NAALADL2: variants seen among roughly 807,000 people sequenced by gnomAD.
NAALADL2 encodes the protein N-acetylated alpha-linked acidic dipeptidase like 2.
NAALADL2 carries 76 observed loss-of-function variants against 87.2 expected under a neutral mutation model. The observed-to-expected ratio is 0.87, with a 90% CI of 0.72 to 1.05. The LOEUF (loss-of-function observed/expected upper bound fraction) is 1.05, where lower values mean the gene tolerates loss of function less well. Among genes scored for constraint, NAALADL2 ranks in the 50% least tolerant of loss-of-function variants. NAALADL2 has a pLI of 0.00. For synonymous variants in NAALADL2, 354 were observed against 331.0 expected, an observed-to-expected ratio of 1.07 and a Z score of -0.75; for missense variants, 1,089 against 945.8, an observed-to-expected ratio of 1.15 and a Z score of -1.99.
chr3:174,809,091 G>A (rs1247175517), intron 3 of NAALADL2, among the ~76,000 whole-genome samples: 2 of 152,024 alleles, frequency 1.3e-5, no homozygotes, highest in African/African-American at 2.4e-5. Flanking sequence ...ATTCTGAAAA[G>A]CCAAATTAGT....
chr3:175,724,535 G>A (rs924708275), intron 11 of NAALADL2, among the ~76,000 whole-genome samples: 17 of 152,080 alleles, frequency 1.1e-4, no homozygotes, highest in Non-Finnish European at 2.4e-4. Flanking sequence ...TCACTTTGTA[G>A]GATGCAATCT....
At chr3:175,220,408 G>C (rs1743183227) in intron 2 of NAALADL2, among the ~76,000 whole-genome samples, 1 of 151,636 alleles carries the variant, frequency 6.6e-6, no homozygotes, top group Non-Finnish European at 1.5e-5. Flanking sequence ...TGAATATTTA[G>C]ATTTTCTTTT....
intron 1 of NAALADL2, among the ~76,000 whole-genome samples, chr3:174,984,394 T>G (rs779226455): frequency 6.6e-6 from 1 of 152,120 alleles, no homozygotes; most frequent in Non-Finnish European, 1.5e-5. Context: ...ACATTTGGAC[T>G]GATTCATGAA....
chr3:174,555,815 G>A (rs961193182), intron 2 of NAALADL2, among the ~76,000 whole-genome samples: 1 of 151,960 alleles, frequency 6.6e-6, no homozygotes, highest in African/African-American at 2.4e-5. Context: ...ATTCTTTTAC[G>A]GCCAGTTCTC....
intron 3 of NAALADL2, among the ~76,000 whole-genome samples, chr3:174,743,163 T>TTA (rs530541561): frequency 8.3e-4 from 126 of 151,898 alleles, no homozygotes; most frequent in African/African-American, 2.9e-3. Context: ...AAGTGGCGTA[T>TTA]GTTTAGACTT....
intron 2 of NAALADL2, among the ~76,000 whole-genome samples, chr3:174,562,364 A>G (rs927370957): frequency 2.0e-5 from 3 of 152,156 alleles, no homozygotes; most frequent in Non-Finnish European, 4.4e-5. Context: ...TGCTATTGAT[A>G]TGGTAATATT....
intron 1 of NAALADL2, among the ~76,000 whole-genome samples, chr3:174,896,407 G>T (rs1287710910): frequency 6.6e-6 from 1 of 151,918 alleles, no homozygotes. Context: ...AAATAAAAAG[G>T]TAATACCATT....
In NAALADL2 at chr3:174,702,188, T is replaced by C. The variant is rs142361501; in HGVS notation, c.-114-35453T>C. On this transcript the variant is annotated intron_variant, in intron 2 of 3. Coordinates refer to the NAALADL2 transcript ENST00000434257. ...TATTCACTAATGATGTTGATCTTTT[T>C]TATGTGCTTATTTGTTATCCATATA... is the stretch of plus-strand genomic sequence containing the variant. Among the ~76,000 whole-genome samples, 225 of 152,334 alleles carry C rather than the reference T, an allele frequency of 1.5e-3. 1 individual carries two copies. The highest frequency in any genetic ancestry group is 0.01 in the Middle Eastern group (3 of 294).
At chr3:174,930,295 T>TA (rs1036868724) in intron 1 of NAALADL2, among the ~76,000 whole-genome samples, 3 of 152,068 alleles carry the variant, frequency 2.0e-5, no homozygotes, top group Admixed American at 6.6e-5. Flanking sequence ...GTGATTTTTT[T>TA]AAAAAAATGT....
At chr3:175,317,686 A>G (rs1399912125) in intron 4 of NAALADL2, among the ~76,000 whole-genome samples, 1 of 152,128 alleles carries the variant, frequency 6.6e-6, no homozygotes, top group African/African-American at 2.4e-5. Flanking sequence ...GTAATTCTCA[A>G]AAAAATATGT....
intron 11 of NAALADL2, among the ~76,000 whole-genome samples, chr3:175,637,045 C>T (rs9840114): frequency 0.031 from 4,768 of 152,306 alleles, 105 homozygotes; most frequent in African/African-American, 0.066. Context: ...AATTCATTTA[C>T]GCTTAACACT....
At chr3:174,689,044 C>T (rs922995879) in intron 2 of NAALADL2, among the ~76,000 whole-genome samples, 1 of 151,692 alleles carries the variant, frequency 6.6e-6, no homozygotes, top group Non-Finnish European at 1.5e-5. Flanking sequence ...CAGGAACATT[C>T]TGATAATAGC....
chr3:174,541,762 G>T (rs147707547), intron 1 of NAALADL2, among the ~76,000 whole-genome samples: 1 of 152,284 alleles, frequency 6.6e-6, no homozygotes, highest in East Asian at 1.9e-4. Context: ...ACATACTTAA[G>T]TATTTAATAT....
intron 1 of NAALADL2, among the ~76,000 whole-genome samples, chr3:174,547,129 T>A (rs918692014): frequency 2.0e-5 from 3 of 152,156 alleles, no homozygotes; most frequent in African/African-American, 7.2e-5. Context: ...CAAAAGTGTA[T>A]ATTTTCTTTC....
At chr3:175,446,722 T>C (rs1481194287) in intron 5 of NAALADL2, among the ~76,000 whole-genome samples, 1 of 152,224 alleles carries the variant, frequency 6.6e-6, no homozygotes, top group East Asian at 1.9e-4. Context: ...CTCCTGTTTC[T>C]GGTCTCTTTT....
upstream of NAALADL2, among the ~76,000 whole-genome samples, chr3:174,858,154 AATT>A (rs1726060572): frequency 1.4e-5 from 2 of 148,066 alleles, no homozygotes; most frequent in African/African-American, 4.9e-5. Flanking sequence ...AATAATATGT[AATT>A]ATTACAATAT....
intron 2 of NAALADL2, among the ~76,000 whole-genome samples, chr3:174,603,073 A>G: frequency 6.6e-6 from 1 of 151,714 alleles, no homozygotes; most frequent in East Asian, 1.9e-4. Flanking sequence ...GTAGTTTTAT[A>G]TTTTTTTATT....
At chr3:174,812,142 G>T (rs1016070583) in intron 3 of NAALADL2, among the ~76,000 whole-genome samples, 2 of 152,090 alleles carry the variant, frequency 1.3e-5, no homozygotes, top group Non-Finnish European at 2.9e-5. Context: ...CACAGTCTCA[G>T]TGTTTTTTTT....
intron 2 of NAALADL2, among the ~76,000 whole-genome samples, chr3:175,150,951 G>T (rs1439423009): frequency 6.6e-6 from 1 of 152,164 alleles, no homozygotes; most frequent in Non-Finnish European, 1.5e-5. Context: ...GATGAGTAAG[G>T]CTGTGAATAT....
Sources: allele counts gnomAD v4.1 joint callset (sites outside exome capture counted in the v4.1 genomes callset), GRCh38; gene constraint gnomAD v4.1.1; transcripts MANE v1.5; gene names NCBI Gene and HGNC (gene_info 2026-07-23, HGNC 2026-07-21).